Variants in EPHA7 observed in about 807,000 individuals in gnomAD.
EPHA7 encodes the protein ephrin type-A receptor 7.
EPHA7 carries 25 observed loss-of-function variants against 112.6 expected under a neutral mutation model. That is an observed-to-expected ratio of 0.22 (90% CI 0.16 to 0.31). The LOEUF (loss-of-function observed/expected upper bound fraction) is 0.31, where lower values mean the gene tolerates loss of function less well. Among genes scored for constraint, EPHA7 ranks in the 10% least tolerant of loss-of-function variants. The probability of loss-of-function intolerance (pLI) is 1.00; values close to 1 mark genes in which losing one functional copy is unlikely to be tolerated. For missense variants in EPHA7, 962 were observed against 1,212.6 expected (o/e 0.79, Z 3.07); for synonymous variants, 437 against 406.5 (o/e 1.07, Z -0.90).
At chr6:93,257,252 C>T (rs1340781516) in intron 12 of EPHA7, among the ~76,000 whole-genome samples, 1 of 152,054 alleles carries the variant, frequency 6.6e-6, no homozygotes, top group East Asian at 1.9e-4. Flanking sequence ...ATGGAAATAA[C>T]TTCTTGACCA....
At chr6:93,382,943 G>C (rs961829850) in intron 3 of EPHA7, among the ~76,000 whole-genome samples, 1 of 152,072 alleles carries the variant, frequency 6.6e-6, no homozygotes, top group Non-Finnish European at 1.5e-5. Context: ...GAGATTTTAG[G>C]GAAAGTGAGT....
chr6:93,256,885 C>T (rs934417403), intron 12 of EPHA7, among the ~76,000 whole-genome samples: 1 of 151,770 alleles, frequency 6.6e-6, no homozygotes, highest in Non-Finnish European at 1.5e-5. Flanking sequence ...TTTTTCTTTG[C>T]CATTTGGAAA....
At chr6:93,312,944 T>G (rs1015292936) in intron 5 of EPHA7, among the ~76,000 whole-genome samples, 12 of 152,116 alleles carry the variant, frequency 7.9e-5, no homozygotes, top group African/African-American at 2.7e-4. Flanking sequence ...ACACAGCATT[T>G]ATCAATTAAG....
intron 5 of EPHA7, among the ~76,000 whole-genome samples, chr6:93,298,197 G>A (rs1273724782): frequency 6.6e-6 from 1 of 152,098 alleles, no homozygotes; most frequent in East Asian, 1.9e-4. Flanking sequence ...ATGTGGGAAG[G>A]ATGCGTTTAA....
At chr6:93,330,557 T>C (rs2127901444) in intron 5 of EPHA7, among the ~76,000 whole-genome samples, 1 of 151,492 alleles carries the variant, frequency 6.6e-6, no homozygotes, top group East Asian at 1.9e-4. Context: ...GTACCTCACT[T>C]ATTTCACTTA....
intron 5 of EPHA7, among the ~76,000 whole-genome samples, chr6:93,277,698 A>T (rs1472560217): frequency 5.9e-5 from 9 of 152,050 alleles, no homozygotes; most frequent in Non-Finnish European, 1.5e-5. Context: ...TGTTATTTGC[A>T]TTGCTATCTA....
chr6:93,299,526 C>T (rs1239070471), intron 5 of EPHA7, among the ~76,000 whole-genome samples: 1 of 152,058 alleles, frequency 6.6e-6, no homozygotes, highest in African/African-American at 2.4e-5. Flanking sequence ...CATTTATACA[C>T]TGTTGGTAGG....
intron 3 of EPHA7, among the ~76,000 whole-genome samples, chr6:93,387,908 A>G (rs1777694911): frequency 7.3e-6 from 1 of 137,608 alleles, no homozygotes; most frequent in Non-Finnish European, 1.6e-5. Flanking sequence ...AAGCCAGACC[A>G]TCTTAGATAG....
intron 5 of EPHA7, among the ~76,000 whole-genome samples, chr6:93,301,911 T>A (rs1271147062): frequency 3.3e-5 from 5 of 152,102 alleles, no homozygotes; most frequent in Non-Finnish European, 5.9e-5. Flanking sequence ...CCTTACTCTA[T>A]CCTTAGTCAT....
chr6:93,406,722 A>C (rs1294650434), intron 3 of EPHA7, among the ~76,000 whole-genome samples: 1 of 151,666 alleles, frequency 6.6e-6, no homozygotes, highest in East Asian at 1.9e-4. Flanking sequence ...CCAAGTTATA[A>C]TATCCAGATC....
intron 1 of EPHA7, among the ~76,000 whole-genome samples, chr6:93,418,409 C>A (rs1422167133): frequency 2.0e-5 from 3 of 152,236 alleles, no homozygotes; most frequent in Non-Finnish European, 4.4e-5. Flanking sequence ...AAGGATTGGG[C>A]ACTCGGATTC....
At chr6:93,372,355 T>C (rs549379090) in intron 3 of EPHA7, among the ~76,000 whole-genome samples, 13 of 152,212 alleles carry the variant, frequency 8.5e-5, no homozygotes, top group African/African-American at 3.1e-4. Flanking sequence ...TACAACCTTA[T>C]AAGAGTATGA....
At chr6:93,331,022 T>C (rs1310233987) in intron 5 of EPHA7, among the ~76,000 whole-genome samples, 1 of 151,384 alleles carries the variant, frequency 6.6e-6, no homozygotes, top group Non-Finnish European at 1.5e-5. Flanking sequence ...ATCGGTCTGT[T>C]TAGGTTCACA....
At chr6:93,267,168 T>A (rs1770983130) in intron 7 of EPHA7, among the ~76,000 whole-genome samples, 1 of 151,770 alleles carries the variant, frequency 6.6e-6, no homozygotes, top group East Asian at 1.9e-4. Context: ...ATAACCAATA[T>A]AAAACATTTT....
chr6:93,384,723 T>G (rs1773264263), intron 3 of EPHA7, among the ~76,000 whole-genome samples: 1 of 152,204 alleles, frequency 6.6e-6, no homozygotes, highest in Non-Finnish European at 1.5e-5. Context: ...TCCTTGAAAT[T>G]TATTCCCTCA....
chr6:93,280,514 ATG>A (rs1306970056), intron 5 of EPHA7, among the ~76,000 whole-genome samples: 1 of 152,196 alleles, frequency 6.6e-6, no homozygotes, highest in Non-Finnish European at 1.5e-5. Flanking sequence ...TGGCTACACA[ATG>A]TGTCATTCAA....
chr6:93,257,540 A>T lies in EPHA7; in HGVS notation c.2111-17T>A, dbSNP rs1162931866. ...CTGGTTTCCCTAAAATTAAAAAAAA[A>T]AAGTTTCAGGAGTCGTAACCTGAGC... On this transcript the variant is annotated splice_polypyrimidine_tract_variant and intron_variant, in intron 11 of 16. Transcript: ENST00000369303. The T allele has an allele frequency of 3.8e-6, 6 of 1,593,176 alleles. No homozygotes were observed. The highest frequency in any genetic ancestry group is 5.1e-6 in the Non-Finnish European group (6 of 1,168,036).
intron 5 of EPHA7, among the ~76,000 whole-genome samples, chr6:93,305,729 C>A (rs898606589): frequency 1.3e-5 from 2 of 151,798 alleles, no homozygotes; most frequent in Non-Finnish European, 2.9e-5. Flanking sequence ...TATTTCATTA[C>A]CTACGGGAAT....
intron 5 of EPHA7, among the ~76,000 whole-genome samples, chr6:93,346,937 A>G (rs1018731375): frequency 1.3e-5 from 2 of 151,814 alleles, no homozygotes; most frequent in Non-Finnish European, 2.9e-5. Flanking sequence ...TACAATGTCT[A>G]CTACATAAAC....
Sources: gnomAD v4.1 joint callset for allele counts (sites outside exome capture counted in the v4.1 genomes callset) on GRCh38, gnomAD v4.1.1 for gene constraint, MANE v1.5 for transcripts, NCBI Gene and HGNC (gene_info 2026-07-23, HGNC 2026-07-21) for gene names.